The following ABLIM2 variants were observed in gnomAD, a reference collection of about 807,000 sequenced individuals.
ABLIM2 encodes actin-binding LIM protein 2.
In ABLIM2, 53 loss-of-function variants were observed where a neutral mutation model predicts 97.7. The observed-to-expected ratio is 0.54, with a 90% confidence interval of 0.44 to 0.68. ABLIM2 has a LOEUF of 0.68. Ranked by LOEUF, ABLIM2 falls within the 30% of genes least tolerant of loss-of-function variation. The probability of loss-of-function intolerance (pLI) is 0.00; values close to 1 mark genes in which losing one functional copy is unlikely to be tolerated. For missense variants in ABLIM2, 835 were observed against 867.2 expected, an observed-to-expected ratio of 0.96 and a Z score of 0.47; for synonymous variants, 361 against 345.8, an observed-to-expected ratio of 1.04 and a Z score of -0.49.
chr4:8,138,642 A>G (rs2891938), intron 1 of ABLIM2, among the ~76,000 whole-genome samples: 40,592 of 152,200 alleles, frequency 0.27, 7,149 homozygotes, highest in African/African-American at 0.51. Context: ...ATGGTTTTGG[A>G]AAAACTGGCT....
chr4:8,028,626 CTCAT>C (rs1385698969), intron 11 of ABLIM2, among the ~76,000 whole-genome samples: 8 of 152,126 alleles, frequency 5.3e-5, no homozygotes, highest in Non-Finnish European at 7.4e-5. Context: ...TACTTGCTCA[CTCAT>C]TCAATCACTC....
intron 14 of ABLIM2, among the ~76,000 whole-genome samples, chr4:8,018,775 A>G (rs11932811): frequency 0.21 from 31,688 of 152,128 alleles, 3,503 homozygotes; most frequent in East Asian, 0.28. Flanking sequence ...TAATATGGAA[A>G]TGCCTTTTCC....
At chr4:8,035,428 G>C (rs902736428) in intron 10 of ABLIM2, among the ~76,000 whole-genome samples, 15 of 152,188 alleles carry the variant, frequency 9.9e-5, no homozygotes, top group African/African-American at 3.4e-4. Flanking sequence ...TGTTTGAAAG[G>C]ACTGAGCTTC....
Position 7,984,286 on chromosome 4 carries a change from G to T in ABLIM2, c.1735+553C>A, listed in dbSNP as rs139517565. On this transcript the variant is annotated intron_variant, in intron 18 of 20. Transcript: ENST00000447017. ...TAGAGGGAGCAGGCTGTGGTGCACT[G>T]ATGCTCTCCGTCCCCATGCAACCCA... Among the ~76,000 whole-genome samples the T allele has an allele frequency of 1.8e-3, 275 of 152,250 alleles. 1 individual carries two copies. The highest frequency in any genetic ancestry group is 6.2e-3 in the African/African-American group (256 of 41,562).
At chr4:8,080,014 C>T (rs1465420276) in intron 5 of ABLIM2, among the ~76,000 whole-genome samples, 1 of 152,222 alleles carries the variant, frequency 6.6e-6, no homozygotes, top group African/African-American at 2.4e-5. Flanking sequence ...CTCAGGTCCC[C>T]AATCCCCCAG....
chr4:8,084,481 G>A (rs1280417970), intron 4 of ABLIM2, among the ~76,000 whole-genome samples: 1 of 152,234 alleles, frequency 6.6e-6, no homozygotes, highest in Non-Finnish European at 1.5e-5. Context: ...CCTTGCAGGA[G>A]CAAAGGACAC....
At position 8,155,469 on chromosome 4, in the gene ABLIM2, C is replaced by T. The variant is rs1248929602; in HGVS notation, c.10+3211G>A. On this transcript the variant is annotated intron_variant, in intron 1 of 20. Coordinates refer to ENST00000447017, the MANE Select transcript of ABLIM2 (RefSeq NM_001130083.2). The surrounding 1 kb of genome is among the most constrained non-coding windows in gnomAD (Gnocchi z 4.2). Reference sequence around the variant, plus strand: ...CTTTGTGCAGGTGGGTGGGTTTGGGCTGGAACATTCCTCATGTCCCTTCCA... The same window carrying T: ...CTTTGTGCAGGTGGGTGGGTTTGGGTTGGAACATTCCTCATGTCCCTTCCA... Among the ~76,000 whole-genome samples, 1 of 152,134 alleles carries T rather than the reference C, an allele frequency of 6.6e-6. No homozygotes were observed. The highest frequency in any genetic ancestry group is 1.5e-5 in the Non-Finnish European group (1 of 68,022).
At chr4:7,971,073 T>C (rs904882212) in intron 20 of ABLIM2, among the ~76,000 whole-genome samples, 4 of 152,098 alleles carry the variant, frequency 2.6e-5, no homozygotes, top group African/African-American at 7.2e-5. Flanking sequence ...GCTCCAGCTG[T>C]GGAATTCTGA....
rs184355760 is a variant in ABLIM2, at chr4:8,015,705, G to C, written c.1423+3913C>G. On this transcript the variant is annotated intron_variant, in intron 14 of 20. Coordinates refer to ENST00000447017, the MANE Select transcript of ABLIM2 (RefSeq NM_001130083.2). This position sits in a 1 kb window ranked among gnomAD's most constrained non-coding sequence, Gnocchi z 4.6. Reference sequence around the variant, plus strand: ...GACAAGTGGTGGGAGGTGTGTGTTGGGGGGTGAGGAGAGAGCTGCATTGCC... The same window carrying C: ...GACAAGTGGTGGGAGGTGTGTGTTGCGGGGTGAGGAGAGAGCTGCATTGCC... 1.3e-5 allele frequency among the ~76,000 whole-genome samples: 2 copies of C among 152,222 alleles called. No homozygotes were observed. Among genetic ancestry groups the C allele is most frequent in the African/African-American group, 2.4e-5 (1 of 41,542 alleles).
intron 1 of ABLIM2, among the ~76,000 whole-genome samples, chr4:8,106,944 G>T (rs2152755114): frequency 6.6e-6 from 1 of 152,338 alleles, no homozygotes; most frequent in Admixed American, 6.5e-5. Flanking sequence ...CACAACTGCG[G>T]CAATGAGGCC....
intron 1 of ABLIM2, among the ~76,000 whole-genome samples, chr4:8,137,794 T>A (rs1268842413): frequency 2.6e-5 from 4 of 152,184 alleles, no homozygotes; most frequent in Admixed American, 1.3e-4. Flanking sequence ...GGCCATTTGA[T>A]CCGGCAGTCC....
chr4:7,991,974 GT>G (rs1176824489), intron 17 of ABLIM2, among the ~76,000 whole-genome samples: 1 of 152,212 alleles, frequency 6.6e-6, no homozygotes, highest in African/African-American at 2.4e-5. Flanking sequence ...GAGGGGGCCA[GT>G]TTTTTAGTGG....
At chr4:8,030,747 C>T (rs1780449907) in intron 10 of ABLIM2, among the ~76,000 whole-genome samples, 3 of 152,246 alleles carry the variant, frequency 2.0e-5, no homozygotes, top group African/African-American at 7.2e-5. Flanking sequence ...CAGCCCTGTC[C>T]ACCTTACAGG....
chr4:7,986,535 A>G lies in ABLIM2; in HGVS notation c.1681-1642T>C, dbSNP rs189790892. 1.6e-4 allele frequency among the ~76,000 whole-genome samples: 24 copies of G among 152,322 alleles called. No homozygotes were observed. The East Asian group carries it at 4.6e-3, about 29-fold the overall frequency. On this transcript the variant is annotated intron_variant, in intron 17 of 20. Coordinates refer to ENST00000447017, the MANE Select transcript of ABLIM2 (RefSeq NM_001130083.2). This position sits in a 1 kb window ranked among gnomAD's most constrained non-coding sequence, Gnocchi z 4.3. ...TAATTTGGATTTCTAAAACTATTGC[A>G]TTAAACTTATCCTGACTGCATTTTC...
intron 9 of ABLIM2, among the ~76,000 whole-genome samples, chr4:8,038,532 G>A (rs1325974519): frequency 1.3e-5 from 2 of 152,134 alleles, no homozygotes; most frequent in African/African-American, 4.8e-5. Context: ...GCCAGGTTCA[G>A]CCCCCTACTC....
chr4:7,978,868 G>T (rs1342983911), intron 20 of ABLIM2, among the ~76,000 whole-genome samples: 2 of 152,228 alleles, frequency 1.3e-5, no homozygotes, highest in African/African-American at 4.8e-5. Context: ...GGCCACTGGG[G>T]GATGGTCCCA....
intron 20 of ABLIM2, among the ~76,000 whole-genome samples, chr4:7,974,856 G>C (rs1731710763): frequency 6.6e-6 from 1 of 152,208 alleles, no homozygotes; most frequent in Admixed American, 6.5e-5. Flanking sequence ...CTGGTTGATA[G>C]ACTTTCCTAT....
intron 14 of ABLIM2, 102 bp from the exon 15 acceptor site, chr4:8,009,204 A>G (rs1376602783): frequency 6.9e-7 from 1 of 1,442,912 alleles, no homozygotes; most frequent in African/African-American, 1.4e-5. Context: ...TGAAAAATCA[A>G]TCAAAGAGAA....
chr4:7,992,145 G>A lies in ABLIM2; in HGVS notation c.1680+721C>T, dbSNP rs1380603867. On this transcript the variant is annotated intron_variant, in intron 17 of 20. Transcript: ENST00000447017. The surrounding 1 kb of genome is among the most constrained non-coding windows in gnomAD (Gnocchi z 5.7). ...GCCCCACCCTAAGGATCCTCACTGG[G>A]GACCCCTGTGACGCTGTGGGCAGAG... Among the ~76,000 whole-genome samples the A allele has an allele frequency of 6.6e-6, 1 of 151,964 alleles. No homozygotes were observed. The highest frequency in any genetic ancestry group is 1.9e-4 in the East Asian group (1 of 5,172).
Sources: gnomAD v4.1 joint callset for allele counts (sites outside exome capture counted in the v4.1 genomes callset) on GRCh38, gnomAD v4.1.1 for gene constraint, Gnocchi (gnomAD v3.1) non-coding constraint, MANE v1.5 for transcripts, NCBI Gene and HGNC (gene_info 2026-07-23, HGNC 2026-07-21) for gene names.